Variants in COLEC10 observed in about 807,000 individuals in gnomAD.
The protein encoded by COLEC10 is collectin-10.
COLEC10 carries 22 observed loss-of-function variants against 28.4 expected under a neutral mutation model. That is an observed-to-expected ratio of 0.78 (90% confidence interval 0.55 to 1.11). The LOEUF (loss-of-function observed/expected upper bound fraction) is 1.11, where lower values mean the gene tolerates loss of function less well. COLEC10 is among the 50% of genes least tolerant of loss of function. The probability of loss-of-function intolerance (pLI) is 0.00; values close to 1 mark genes in which losing one functional copy is unlikely to be tolerated. For synonymous variants in COLEC10, 125 were observed against 116.1 expected, an observed-to-expected ratio of 1.08 and a Z score of -0.49; for missense variants, 361 against 344.1, an observed-to-expected ratio of 1.05 and a Z score of -0.39.
rs1456006264 is a variant in COLEC10 at position 119,069,619 on chromosome 8, AAAAAAAAAAAATATATATATAT to A, written c.148+2192_148+2213del. Among the ~76,000 whole-genome samples, 14 of 61,364 alleles carry A rather than the reference AAAAAAAAAAAATATATATATAT, an allele frequency of 2.3e-4. 1 individual carries two copies. The highest frequency in any genetic ancestry group is 6.2e-4 in the African/African-American group (9 of 14,584). The allele number at this position is 61,364 out of a possible 152,430, so 40.3% of individuals were successfully genotyped here. A position where few individuals can be genotyped will look rare whatever the true frequency, so the allele number is the denominator to read the frequency against. On this transcript the variant is annotated intron_variant, in intron 1 of 5. Coordinates refer to ENST00000332843, the MANE Select transcript of COLEC10 (RefSeq NM_006438.5). ...AGACCCCATCTCAAAAAAAAAAAAA[AAAAAAAAAAAATATATATATAT>A]ATATATATATATATATATATGTAAA...
At chr8:119,005,816 G>A (rs1275521967) in intron 1 of COLEC10, among the ~76,000 whole-genome samples, 1 of 152,070 alleles carries the variant, frequency 6.6e-6, no homozygotes, top group African/African-American at 2.4e-5. Context: ...ATCACATGGG[G>A]TGGATTGTGA....
the COLEC10 span, among the ~76,000 whole-genome samples, chr8:118,978,461 C>T: frequency 2.0e-5 from 3 of 152,054 alleles, no homozygotes; most frequent in African/African-American, 7.2e-5. Flanking sequence ...TGGGGAGTCA[C>T]AGTTGAATGC....
chr8:118,964,559 T>C, the COLEC10 span, among the ~76,000 whole-genome samples: 1 of 152,176 alleles, frequency 6.6e-6, no homozygotes, highest in Non-Finnish European at 1.5e-5. Flanking sequence ...TACTATGTAC[T>C]AAGCTGGTAA....
chr8:118,988,181 G>A, the COLEC10 span, among the ~76,000 whole-genome samples: 1 of 152,220 alleles, frequency 6.6e-6, no homozygotes, highest in East Asian at 1.9e-4. Flanking sequence ...AACTATTAGG[G>A]ACCCCAATCT....
intron 5 of COLEC10, 96 bp from the exon 6 acceptor site, chr8:119,105,703 AT>A (rs1815923009): frequency 8.9e-7 from 1 of 1,127,032 alleles, no homozygotes; most frequent in African/African-American, 1.6e-5. Flanking sequence ...ATTCTTGAAT[AT>A]TGAATAAATA....
upstream of COLEC10, chr8:119,063,027 C>T (rs920476797): frequency 6.6e-6 from 1 of 152,276 alleles, no homozygotes; most frequent in Non-Finnish European, 1.5e-5. Flanking sequence ...GAAATCCCTT[C>T]TGGAGATGAG....
intron 1 of COLEC10, among the ~76,000 whole-genome samples, chr8:119,077,156 T>G (rs1338363418): frequency 6.6e-6 from 1 of 152,060 alleles, no homozygotes; most frequent in Admixed American, 6.5e-5. Context: ...TATGACCTGC[T>G]TTCCTCAATT....
chr8:119,072,572 T>C (rs1815145834), intron 1 of COLEC10, among the ~76,000 whole-genome samples: 1 of 152,196 alleles, frequency 6.6e-6, no homozygotes, highest in Non-Finnish European at 1.5e-5. Context: ...TAAGTTCTAG[T>C]TGGGCCCTAT....
chr8:119,085,154 T>C (rs1815447392), intron 1 of COLEC10, among the ~76,000 whole-genome samples: 1 of 152,196 alleles, frequency 6.6e-6, no homozygotes, highest in African/African-American at 2.4e-5. Flanking sequence ...GGCAGTGCAC[T>C]CTCTTTGCCT....
chr8:118,988,785 C>A, the COLEC10 span, among the ~76,000 whole-genome samples: 21 of 152,294 alleles, frequency 1.4e-4, no homozygotes, highest in African/African-American at 5.1e-4. Flanking sequence ...ACAACAGAAA[C>A]TCTAGAGGAA....
At chr8:119,002,012 T>G (rs1226038603) in intron 1 of COLEC10, among the ~76,000 whole-genome samples, 2 of 152,184 alleles carry the variant, frequency 1.3e-5, no homozygotes, top group Non-Finnish European at 2.9e-5. Context: ...TAGCTCTATT[T>G]CTGTGTCTTA....
chr8:119,102,725 C>T (rs528036048), intron 4 of COLEC10: 6 of 250,142 alleles, frequency 2.4e-5, no homozygotes, highest in East Asian at 1.8e-4. Context: ...CCATGCCTTG[C>T]CTTTCACTAG....
chr8:119,036,182 C>A (rs1814387104), intron 2 of COLEC10, among the ~76,000 whole-genome samples: 2 of 152,146 alleles, frequency 1.3e-5, no homozygotes, highest in Non-Finnish European at 2.9e-5. Context: ...TTCAAAATTT[C>A]TTTTCCTGTT....
chr8:119,027,412 T>A (rs1814212489), intron 2 of COLEC10, among the ~76,000 whole-genome samples: 1 of 152,184 alleles, frequency 6.6e-6, no homozygotes. Flanking sequence ...TATGCTGTCA[T>A]CTGGATTATG....
At chr8:119,074,405 C>T (rs1815185360) in intron 1 of COLEC10, among the ~76,000 whole-genome samples, 1 of 152,096 alleles carries the variant, frequency 6.6e-6, no homozygotes, top group African/African-American at 2.4e-5. Context: ...TAAATGTATA[C>T]ACCTACTATG....
At chr8:118,998,120 T>C (rs1813620679) in intron 1 of COLEC10, among the ~76,000 whole-genome samples, 1 of 152,086 alleles carries the variant, frequency 6.6e-6, no homozygotes. Context: ...AAAATAAAAA[T>C]TATATTCTTT....
chr8:119,061,253 G>T (rs1434075271), intron 2 of COLEC10, among the ~76,000 whole-genome samples: 1 of 151,888 alleles, frequency 6.6e-6, no homozygotes, highest in East Asian at 1.9e-4. Context: ...ATTGAGAAAT[G>T]GTCTTGAGAG....
At chr8:119,065,175 C>T (rs1015768506), upstream of COLEC10, among the ~76,000 whole-genome samples, 6 of 152,132 alleles carry the variant, frequency 3.9e-5, no homozygotes, top group East Asian at 1.9e-4. Context: ...GAACTGGTAT[C>T]GGTTTGTGGC....
chr8:118,995,335 T>C (rs1813571943), upstream of COLEC10: 1 of 152,148 alleles, frequency 6.6e-6, no homozygotes, highest in South Asian at 2.1e-4. Flanking sequence ...AAACTCTGTA[T>C]TTTTTCCCTC....
Sources: gnomAD v4.1 joint callset for allele counts (sites outside exome capture counted in the v4.1 genomes callset) on GRCh38, gnomAD v4.1.1 for gene constraint, MANE v1.5 for transcripts, NCBI Gene and HGNC (gene_info 2026-07-23, HGNC 2026-07-21) for gene names.